The following ASAP2 variants were observed in gnomAD, a reference collection of about 807,000 sequenced individuals.
ASAP2 encodes arf-GAP with SH3 domain, ANK repeat and PH domain-containing protein 2.
A neutral mutation model predicts 131.4 loss-of-function variants in ASAP2; 45 were observed. The ratio of observed to expected loss-of-function variants is 0.34; its 90% CI spans 0.27 to 0.44. The LOEUF is 0.44. Among genes scored for constraint, ASAP2 ranks in the 20% least tolerant of loss-of-function variants. ASAP2 has a pLI of 1.00. For synonymous variants in ASAP2, 510 were observed against 503.0 expected (o/e 1.01, Z -0.19); for missense variants, 1,011 against 1,297.0 (o/e 0.78, Z 3.39).
In ASAP2 at chr2:9,334,812, C is replaced by G. The variant is rs764885135; in HGVS notation, c.761C>G (p.Thr254Arg). Residue 254 changes from threonine to arginine, a missense_variant and splice_region_variant, in exon 8 of 28, where the codon ACG becomes AGG. Around this residue, in one of 2 missense-constraint regions of ASAP2, gnomAD observed 359 missense variants for 598.1 expected, o/e 0.60. Coordinates refer to ENST00000281419, the MANE Select transcript of ASAP2 (RefSeq NM_003887.3). Reference sequence around the variant, plus strand: ...GAAACGCTGTCTACGGATCTTCACACGGTGAGTAGCTTCCCTCCCACTGTG... The same window carrying G: ...GAAACGCTGTCTACGGATCTTCACAGGGTGAGTAGCTTCCCTCCCACTGTG... ...SIETLSTDLH[T>R]IKQAQDEERR... is the part of the protein sequence containing the mutation. 6.2e-7 allele frequency: 1 copy of G among 1,612,936 alleles called. No homozygotes were observed. The highest frequency in any genetic ancestry group is 1.3e-5 in the African/African-American group (1 of 75,014).
chr2:9,263,384 C>T (rs2148210805), intron 1 of ASAP2, among the ~76,000 whole-genome samples: 1 of 152,326 alleles, frequency 6.6e-6, no homozygotes, highest in South Asian at 2.1e-4. Context: ...CCAGAGCTGC[C>T]CCACGCTGCC....
chr2:9,387,242 G>A (rs944187610), intron 21 of ASAP2, among the ~76,000 whole-genome samples: 2 of 144,032 alleles, frequency 1.4e-5, no homozygotes, highest in African/African-American at 5.7e-5. Flanking sequence ...ATAACCTTCA[G>A]GGGGGAGCAG....
At chr2:9,285,739 G>T (rs922888939) in intron 2 of ASAP2, among the ~76,000 whole-genome samples, 3 of 152,228 alleles carry the variant, frequency 2.0e-5, no homozygotes, top group African/African-American at 7.2e-5. Flanking sequence ...AGCAACAGAA[G>T]ATTTTCATTT....
intron 1 of ASAP2, among the ~76,000 whole-genome samples, chr2:9,225,362 G>A (rs1189730120): frequency 6.6e-6 from 1 of 152,208 alleles, no homozygotes; most frequent in Non-Finnish European, 1.5e-5. Context: ...CTAGTGGTCT[G>A]TAGGACGCAT....
At position 9,217,192 on chromosome 2, in the gene ASAP2, T is replaced by A. The variant is rs1362516255; in HGVS notation, c.126+9962T>A. On this transcript the variant is annotated intron_variant, in intron 1 of 27. Coordinates refer to ENST00000281419, the MANE Select transcript of ASAP2 (RefSeq NM_003887.3). The surrounding 1 kb of genome is among the most constrained non-coding windows in gnomAD (Gnocchi z 4.0). ...TGCAGCCTCTGTGGCCAGCATGCCC[T>A]CCCTTGCTGTTAGTGTTAGAAAGTT... Among the ~76,000 whole-genome samples, 1 of 152,158 alleles carries A rather than the reference T, an allele frequency of 6.6e-6. No homozygotes were observed. The highest frequency in any genetic ancestry group is 1.5e-5 in the Non-Finnish European group (1 of 68,022).
chr2:9,246,471 T>G (rs1664348052), intron 1 of ASAP2, among the ~76,000 whole-genome samples: 1 of 152,112 alleles, frequency 6.6e-6, no homozygotes, highest in African/African-American at 2.4e-5. Context: ...AAACAATTTT[T>G]TGTAGAGACG....
chr2:9,274,709 G>A (rs143720635), intron 1 of ASAP2, among the ~76,000 whole-genome samples: 4 of 152,032 alleles, frequency 2.6e-5, no homozygotes, highest in Admixed American at 2.6e-4. Flanking sequence ...CATAATGAAG[G>A]GTGTGTTTCT....
At chr2:9,386,726 G>A (rs1486761072) in intron 21 of ASAP2, among the ~76,000 whole-genome samples, 1 of 152,336 alleles carries the variant, frequency 6.6e-6, no homozygotes, top group East Asian at 1.9e-4. Context: ...TTCATACTGA[G>A]CACCTGCTAA....
At chr2:9,236,573 C>G (rs1002278928) in intron 1 of ASAP2, among the ~76,000 whole-genome samples, 2 of 152,050 alleles carry the variant, frequency 1.3e-5, no homozygotes, top group African/African-American at 4.8e-5. Context: ...TATAAACATT[C>G]TTAATGTCTA....
intron 3 of ASAP2, among the ~76,000 whole-genome samples, chr2:9,303,254 TG>T (rs1668610434): frequency 6.6e-6 from 1 of 152,326 alleles, no homozygotes; most frequent in East Asian, 1.9e-4. Context: ...CCCAGTGGCT[TG>T]GGGTACGTGG....
intron 1 of ASAP2, among the ~76,000 whole-genome samples, chr2:9,262,026 G>A (rs1203397898): frequency 1.3e-5 from 2 of 152,158 alleles, no homozygotes; most frequent in African/African-American, 4.8e-5. Flanking sequence ...GAAAAACAAT[G>A]TTTTTAGAGA....
At position 9,207,487 on chromosome 2, in the gene ASAP2, T is replaced by C. The variant is rs946111987; in HGVS notation, c.126+257T>C. Among the ~76,000 whole-genome samples the C allele has an allele frequency of 1.3e-5, 2 of 151,704 alleles. No individual in the cohort carries two copies. The highest frequency in any genetic ancestry group is 2.9e-5 in the Non-Finnish European group (2 of 67,874). On this transcript the variant is annotated intron_variant, in intron 1 of 27. Transcript: ENST00000281419. This position sits in a 1 kb window ranked among gnomAD's most constrained non-coding sequence, Gnocchi z 4.1. ...CGCGGGGTTCCGCGGCCTGGTCTTTTCCCCGCAGCGCGGCCAACTTTGTCC... is the reference window on the plus strand; with the variant it reads ...CGCGGGGTTCCGCGGCCTGGTCTTTCCCCCGCAGCGCGGCCAACTTTGTCC...
chr2:9,216,453 A>ATTT lies in ASAP2; in HGVS notation c.126+9246_126+9248dup, dbSNP rs999787414. Among the ~76,000 whole-genome samples the ATTT allele has an allele frequency of 2.1e-3, 177 of 85,384 alleles. 1 individual carries two copies. The highest frequency in any genetic ancestry group is 2.7e-3 in the African/African-American group (56 of 20,830). 56.0% of individuals were successfully genotyped at this position (85,384 alleles called of 152,430 possible). ...AGGTGTGCCCCACCATGCCTGTTTA[A>ATTT]TTTTTTTTTTTTTTTTTTTTTTTTT... is the stretch of plus-strand genomic sequence containing the variant. On this transcript the variant is annotated intron_variant, in intron 1 of 27. Coordinates refer to ENST00000281419, the MANE Select transcript of ASAP2 (RefSeq NM_003887.3).
At chr2:9,402,398 G>A (rs1676804545) in intron 27 of ASAP2, among the ~76,000 whole-genome samples, 1 of 152,190 alleles carries the variant, frequency 6.6e-6, no homozygotes, top group Admixed American at 6.5e-5. Context: ...GGGAGGCCGA[G>A]GCAGGCGGAA....
rs549469814 is a variant in ASAP2, at chr2:9,338,545, C to T, written c.849+3366C>T. On this transcript the variant is annotated intron_variant, in intron 9 of 27. Coordinates refer to ENST00000281419, the MANE Select transcript of ASAP2 (RefSeq NM_003887.3). ...TCTCTGCCAGGGGCCACCTGCCTGC[C>T]TCTCCTGCCAAGCTGCTAGGTAGCC... Among the ~76,000 whole-genome samples the T allele has an allele frequency of 1.5e-3, 231 of 152,318 alleles. 1 individual carries two copies. The highest frequency in any genetic ancestry group is 2.2e-3 in the Non-Finnish European group (152 of 68,022).
intron 9 of ASAP2, among the ~76,000 whole-genome samples, chr2:9,337,185 G>A (rs902627033): frequency 1.3e-5 from 2 of 152,206 alleles, no homozygotes; most frequent in African/African-American, 4.8e-5. Flanking sequence ...TTCTTTGGCT[G>A]TCTGCCCAGT....
At chr2:9,313,522 C>T (rs755663277) in intron 3 of ASAP2, among the ~76,000 whole-genome samples, 18 of 152,224 alleles carry the variant, frequency 1.2e-4, no homozygotes, top group Non-Finnish European at 1.9e-4. Context: ...CCACAACCCA[C>T]CTTATCACTG....
intron 15 of ASAP2, among the ~76,000 whole-genome samples, chr2:9,364,900 A>G (rs1207039970): frequency 6.6e-6 from 1 of 152,188 alleles, no homozygotes; most frequent in Non-Finnish European, 1.5e-5. Flanking sequence ...TCCATTTTTA[A>G]AAAAAGACCA....
chr2:9,312,424 T>G (rs1275729087), intron 3 of ASAP2, among the ~76,000 whole-genome samples: 1 of 152,072 alleles, frequency 6.6e-6, no homozygotes, highest in Non-Finnish European at 1.5e-5. Context: ...CACCAGCACT[T>G]CGACCACCCT....
Sources: gnomAD v4.1 joint callset for allele counts (sites outside exome capture counted in the v4.1 genomes callset) on GRCh38, gnomAD v4.1.1 for gene constraint, gnomAD v4.1.1 regional missense constraint, Gnocchi (gnomAD v3.1) non-coding constraint, MANE v1.5 for transcripts, NCBI Gene and HGNC (gene_info 2026-07-23, HGNC 2026-07-21) for gene names.